SH3GL2: variants seen among roughly 807,000 people sequenced by gnomAD.
SH3GL2 encodes the protein endophilin-A1.
In SH3GL2, 24 loss-of-function variants were observed where a neutral mutation model predicts 46.0. That is an observed-to-expected ratio of 0.52 (90% CI 0.38 to 0.73). SH3GL2 has a LOEUF of 0.73. Among genes scored for constraint, SH3GL2 ranks in the 30% least tolerant of loss-of-function variants. The pLI is 0.00. For missense variants in SH3GL2, 413 were observed against 424.2 expected (o/e 0.97, Z 0.23); for synonymous variants, 196 against 147.1 (o/e 1.33, Z -2.40).
In SH3GL2 at chr9:17,579,889, A is replaced by C. The variant is rs1360951464; in HGVS notation, c.45+602A>C. Among the ~76,000 whole-genome samples, 4 of 152,182 alleles carry C rather than the reference A, an allele frequency of 2.6e-5. No homozygotes were observed. In the East Asian group the frequency reaches 7.7e-4, roughly 29 times the overall value. ...TTTTACCTGGAGAACTCGGTCGTGAAACTCCTTTGAGGCCAGGGCATGACA... is the reference window on the plus strand; with the variant it reads ...TTTTACCTGGAGAACTCGGTCGTGACACTCCTTTGAGGCCAGGGCATGACA... On this transcript the variant is annotated intron_variant, in intron 1 of 8. Coordinates refer to ENST00000380607, the MANE Select transcript of SH3GL2 (RefSeq NM_003026.5).
intron 1 of SH3GL2, among the ~76,000 whole-genome samples, chr9:17,684,820 A>C (rs1570782): frequency 0.081 from 12,371 of 152,210 alleles, 707 homozygotes; most frequent in Admixed American, 0.14. Context: ...CCAGATTCCT[A>C]TGTCCTTCAA....
chr9:17,677,259 A>G lies in SH3GL2; in HGVS notation c.46-69807A>G, dbSNP rs554784422. Among the ~76,000 whole-genome samples, 92 of 152,148 alleles carry G rather than the reference A, an allele frequency of 6.0e-4. 1 individual carries two copies. The East Asian group carries it at 0.012, about 19-fold the overall frequency. On this transcript the variant is annotated intron_variant, in intron 1 of 8. Transcript: ENST00000380607. The stretch of plus-strand genomic sequence containing the variant: ...TATTTTCTCCTTTTTATTCATTCTC[A>G]TGTTCACATTCACTGTATAATCTTG...
chr9:17,708,335 C>T lies in SH3GL2; in HGVS notation c.46-38731C>T, dbSNP rs151303182. On this transcript the variant is annotated intron_variant, in intron 1 of 8. Transcript: ENST00000380607. ...TTTGTTTCTGCTTAAATGATTATCA[C>T]GCTTTATATATTTCATTTTTTGATT... Among the ~76,000 whole-genome samples the T allele has an allele frequency of 2.7e-4, 41 of 152,030 alleles. No homozygotes were observed. In the East Asian group the frequency reaches 6.4e-3, roughly 24 times the overall value.
chr9:17,789,260 C>T (rs1362157628), intron 5 of SH3GL2, 132 bp from the exon 6 acceptor site: 1 of 665,078 alleles, frequency 1.5e-6, no homozygotes, highest in Non-Finnish European at 2.6e-6. Context: ...TTCTTTATTT[C>T]TCTGGTGGCG....
At position 17,772,904 on chromosome 9, in the gene SH3GL2, C is replaced by G. The variant is rs376260012; in HGVS notation, c.187+11395C>G. On this transcript the variant is annotated intron_variant, in intron 3 of 8. Coordinates refer to ENST00000380607, the MANE Select transcript of SH3GL2 (RefSeq NM_003026.5). ...CTTAAGGGAATTCTATTTTTTATTT[C>G]TGAGGTACCACTGTGCTCTCTTCCA... Among the ~76,000 whole-genome samples the G allele has an allele frequency of 8.5e-5, 13 of 152,178 alleles. No homozygotes were observed. In the East Asian group the frequency reaches 1.5e-3, roughly 18 times the overall value.
chr9:17,641,212 T>G (rs1039907489), intron 1 of SH3GL2, among the ~76,000 whole-genome samples: 1 of 152,184 alleles, frequency 6.6e-6, no homozygotes, highest in African/African-American at 2.4e-5. Flanking sequence ...TAGTAGTGTT[T>G]CCAAGCAAAC....
chr9:17,641,863 C>T (rs1819692383), intron 1 of SH3GL2, among the ~76,000 whole-genome samples: 2 of 152,086 alleles, frequency 1.3e-5, no homozygotes, highest in South Asian at 4.1e-4. Flanking sequence ...GGGTTGGTTC[C>T]AAGTCTTTGC....
In SH3GL2 at chr9:17,715,892, A is replaced by G. The variant is rs141624227; in HGVS notation, c.46-31174A>G. 1.2e-3 allele frequency among the ~76,000 whole-genome samples: 190 copies of G among 152,212 alleles called. 6 individuals are homozygous for G. The East Asian group carries it at 0.027, about 22-fold the overall frequency. Reference sequence around the variant, plus strand: ...TCTAACACAAAGCCTATTTTGTAAGAAAGTGGTGAATATCTCATGCAGTTT... The same window carrying G: ...TCTAACACAAAGCCTATTTTGTAAGGAAGTGGTGAATATCTCATGCAGTTT... On this transcript the variant is annotated intron_variant, in intron 1 of 8. Coordinates refer to ENST00000380607, the MANE Select transcript of SH3GL2 (RefSeq NM_003026.5).
intron 1 of SH3GL2, among the ~76,000 whole-genome samples, chr9:17,695,173 G>A (rs1334529749): frequency 6.6e-6 from 1 of 152,108 alleles, no homozygotes; most frequent in East Asian, 1.9e-4. Context: ...TGTTCAGTGG[G>A]TGAAAATTCT....
chr9:17,587,770 C>T (rs937868095), intron 1 of SH3GL2, among the ~76,000 whole-genome samples: 6 of 151,930 alleles, frequency 3.9e-5, no homozygotes, highest in African/African-American at 7.3e-5. Context: ...CCCAGCTACT[C>T]GGGAGGCTGA....
intron 1 of SH3GL2, chr9:17,653,984 G>C (rs1820012046): frequency 3.3e-6 from 1 of 301,542 alleles, no homozygotes; most frequent in Non-Finnish European, 4.9e-6. Context: ...GCAGTTGTGT[G>C]CTGTATTCAC....
intron 3 of SH3GL2, among the ~76,000 whole-genome samples, chr9:17,767,426 C>A (rs1823347474): frequency 6.6e-6 from 1 of 152,120 alleles, no homozygotes; most frequent in South Asian, 2.1e-4. Flanking sequence ...TCATGTCCTT[C>A]CAAAGATGAA....
At chr9:17,738,234 T>G (rs1286461863) in intron 1 of SH3GL2, among the ~76,000 whole-genome samples, 1 of 152,002 alleles carries the variant, frequency 6.6e-6, no homozygotes, top group Non-Finnish European at 1.5e-5. Context: ...TCTTAAGATG[T>G]TTTTGTCTCT....
intron 1 of SH3GL2, among the ~76,000 whole-genome samples, chr9:17,722,516 T>C (rs1821920864): frequency 6.6e-6 from 1 of 151,958 alleles, no homozygotes; most frequent in African/African-American, 2.4e-5. Context: ...TTTTTTCTTA[T>C]TTTTTTATTT....
intron 1 of SH3GL2, among the ~76,000 whole-genome samples, chr9:17,710,573 G>C (rs1327813925): frequency 1.3e-5 from 2 of 151,978 alleles, no homozygotes; most frequent in Non-Finnish European, 2.9e-5. Context: ...AGAACTGAAA[G>C]CAGAGACTTG....
At chr9:17,769,913 T>C (rs949203763) in intron 3 of SH3GL2, among the ~76,000 whole-genome samples, 3 of 152,186 alleles carry the variant, frequency 2.0e-5, no homozygotes, top group South Asian at 4.1e-4. Context: ...ACATAGTCAT[T>C]GAAGACAAGG....
intron 1 of SH3GL2, among the ~76,000 whole-genome samples, chr9:17,651,993 A>G (rs937698704): frequency 3.9e-5 from 6 of 152,134 alleles, no homozygotes; most frequent in East Asian, 1.9e-4. Context: ...AGCCTTTTCA[A>G]AATACCACTT....
chr9:17,639,072 T>C (rs1035127504), intron 1 of SH3GL2, among the ~76,000 whole-genome samples: 1 of 152,190 alleles, frequency 6.6e-6, no homozygotes, highest in Non-Finnish European at 1.5e-5. Flanking sequence ...TTTATAAAGG[T>C]ATGTTGAATG....
At chr9:17,792,159 C>T (rs79165101) in intron 7 of SH3GL2, among the ~76,000 whole-genome samples, 3,352 of 152,268 alleles carry the variant, frequency 0.022, 61 homozygotes, top group Non-Finnish European at 0.037. Context: ...ACCAATCATA[C>T]GATTCCACAC....
Sources: allele counts gnomAD v4.1 joint callset (sites outside exome capture counted in the v4.1 genomes callset), GRCh38; gene constraint gnomAD v4.1.1; transcripts MANE v1.5; gene names NCBI Gene and HGNC (gene_info 2026-07-23, HGNC 2026-07-21).